Variants in SHANK2 observed in about 807,000 individuals in gnomAD.
The protein encoded by SHANK2 is SH3 and multiple ankyrin repeat domains protein 2.
In SHANK2, 43 loss-of-function variants were observed where a neutral mutation model predicts 133.7. That is an observed-to-expected ratio of 0.32 (90% CI 0.25 to 0.41). The LOEUF is 0.41. Among genes scored for constraint, SHANK2 ranks in the 10% least tolerant of loss-of-function variants. The probability of loss-of-function intolerance (pLI) is 1.00; values close to 1 mark genes in which losing one functional copy is unlikely to be tolerated. For synonymous variants in SHANK2, 1,017 were observed against 952.8 expected, an observed-to-expected ratio of 1.07 and a Z score of -1.24; for missense variants, 1,994 against 2,235.8, an observed-to-expected ratio of 0.89 and a Z score of 2.18.
At chr11:70,949,304 A>G (rs1950799307) in intron 10 of SHANK2, among the ~76,000 whole-genome samples, 1 of 152,120 alleles carries the variant, frequency 6.6e-6, no homozygotes, top group African/African-American at 2.4e-5. Context: ...TGGGCGAAGA[A>G]CCCTGTGCAC....
intron 11 of SHANK2, among the ~76,000 whole-genome samples, chr11:70,821,657 T>C (rs1948525441): frequency 6.6e-6 from 1 of 152,130 alleles, no homozygotes; most frequent in Admixed American, 6.5e-5. Context: ...ACTCCCGATC[T>C]TGTGATCCGC....
chr11:70,538,248 C>T (rs1208127117), intron 17 of SHANK2, among the ~76,000 whole-genome samples: 5 of 152,210 alleles, frequency 3.3e-5, no homozygotes, highest in South Asian at 2.1e-4. Context: ...ACGGAGTCCC[C>T]GGGCGCTGAC....
chr11:71,212,941 GA>G (rs1555119075), intron 2 of SHANK2, among the ~76,000 whole-genome samples: 6 of 151,282 alleles, frequency 4.0e-5, no homozygotes, highest in African/African-American at 1.5e-4. Context: ...ACAGGGAGAG[GA>G]GCAGGGACCC....
At chr11:70,545,522 C>T (rs1219394294) in intron 17 of SHANK2, among the ~76,000 whole-genome samples, 2 of 152,138 alleles carry the variant, frequency 1.3e-5, no homozygotes, top group African/African-American at 4.8e-5. Context: ...TTGGTTTTCT[C>T]CCCTGAGAGC....
chr11:70,914,132 A>G (rs1452667519), intron 10 of SHANK2, among the ~76,000 whole-genome samples: 1 of 152,142 alleles, frequency 6.6e-6, no homozygotes, highest in Non-Finnish European at 1.5e-5. Flanking sequence ...CCACACTGCC[A>G]CTGCAGCATC....
chr11:70,858,756 A>AAC (rs1555067241), intron 11 of SHANK2, among the ~76,000 whole-genome samples: 4 of 152,226 alleles, frequency 2.6e-5, no homozygotes, highest in African/African-American at 9.6e-5. Context: ...CTCCAGCCTA[A>AAC]CTTTACTACC....
At chr11:71,177,978 T>C (rs781839575) in intron 2 of SHANK2, among the ~76,000 whole-genome samples, 7 of 152,204 alleles carry the variant, frequency 4.6e-5, no homozygotes, top group Non-Finnish European at 1.0e-4. Context: ...GCACTGCTAG[T>C]AGAAATGTAA....
At chr11:70,615,735 A>G (rs1320189533) in intron 17 of SHANK2, among the ~76,000 whole-genome samples, 2 of 152,212 alleles carry the variant, frequency 1.3e-5, no homozygotes, top group African/African-American at 2.4e-5. Context: ...AACCTGCTCC[A>G]CACCTTGGGG....
Position 70,648,000 on chromosome 11 carries a change from A to C in SHANK2, c.2061+11828T>G, listed in dbSNP as rs151073262. ...TTATTCACAACCATAAGTTAGAAAC[A>C]GCCCAAGTGTCCCTGAACTAGTGAA... On this transcript the variant is annotated intron_variant, in intron 17 of 25. Coordinates refer to ENST00000601538, the MANE Select transcript of SHANK2 (RefSeq NM_012309.5). 7.1e-3 allele frequency among the ~76,000 whole-genome samples: 1,086 copies of C among 152,388 alleles called. 9 individuals carry two copies. The highest frequency in any genetic ancestry group is 0.011 in the Admixed American group (163 of 15,312).
intron 10 of SHANK2, among the ~76,000 whole-genome samples, chr11:70,936,860 T>G (rs1950578390): frequency 6.6e-6 from 1 of 152,204 alleles, no homozygotes; most frequent in African/African-American, 2.4e-5. Context: ...TAACGCACAC[T>G]GGTACCCACT....
At chr11:70,567,350 C>G (rs759849491) in intron 17 of SHANK2, among the ~76,000 whole-genome samples, 1 of 152,082 alleles carries the variant, frequency 6.6e-6, no homozygotes, top group Non-Finnish European at 1.5e-5. Context: ...GAGATGAGGC[C>G]GGGCGTGGTG....
At chr11:71,248,444 G>A (rs1555125337) in intron 1 of SHANK2, among the ~76,000 whole-genome samples, 1 of 152,212 alleles carries the variant, frequency 6.6e-6, no homozygotes, top group Admixed American at 6.5e-5. Flanking sequence ...GCGGTGTGGG[G>A]TCAAGGGCTC....
At chr11:71,100,618 C>A (rs996149615) in intron 6 of SHANK2, among the ~76,000 whole-genome samples, 4 of 152,186 alleles carry the variant, frequency 2.6e-5, no homozygotes, top group Non-Finnish European at 5.9e-5. Flanking sequence ...CCTGTAATCC[C>A]AGCACATTGG....
Position 70,473,660 on chromosome 11 carries a change from C to T in SHANK2, c.4980-221G>A. Reference sequence around the variant, plus strand: ...GACACCAGAGCACACCACGTCAGCCCACTCACCTGAACTGGGACAGAGGGG... The same window carrying T: ...GACACCAGAGCACACCACGTCAGCCTACTCACCTGAACTGGGACAGAGGGG... On this transcript the variant is annotated intron_variant, in intron 25 of 25. Transcript: ENST00000601538. The surrounding 1 kb of genome is among the most constrained non-coding windows in gnomAD (Gnocchi z 5.9). 2 of 638,898 alleles carry T rather than the reference C, an allele frequency of 3.1e-6. No homozygotes were observed. Among genetic ancestry groups the T allele is most frequent in the African/African-American group, 1.8e-5 (1 of 56,218 alleles). 39.6% of individuals were successfully genotyped at this position (638,898 alleles called of 1,614,324 possible).
Position 70,925,333 on chromosome 11 carries a change from T to G in SHANK2, c.1108-28766A>C, listed in dbSNP as rs182203115. 3.4e-3 allele frequency among the ~76,000 whole-genome samples: 525 copies of G among 152,228 alleles called. 2 individuals are homozygous for G. The highest frequency in any genetic ancestry group is 4.3e-3 in the Non-Finnish European group (295 of 67,998). ...TTTTATTAAAGATGACCCGCCAAAG[T>G]GAAGAAAGCCCTGTTAATTCTTGCA... On this transcript the variant is annotated intron_variant, in intron 10 of 25. Coordinates refer to ENST00000601538, the MANE Select transcript of SHANK2 (RefSeq NM_012309.5).
chr11:70,567,528 G>A (rs1554982137), intron 17 of SHANK2, among the ~76,000 whole-genome samples: 1 of 152,064 alleles, frequency 6.6e-6, no homozygotes, highest in East Asian at 1.9e-4. Context: ...TCGGGAGGCT[G>A]AGGCAGGAGA....
chr11:70,774,460 C>T (rs1484576117), intron 14 of SHANK2, among the ~76,000 whole-genome samples: 1 of 152,086 alleles, frequency 6.6e-6, no homozygotes, highest in African/African-American at 2.4e-5. Flanking sequence ...GCTGGGACTA[C>T]AGGTGCATAC....
intron 10 of SHANK2, among the ~76,000 whole-genome samples, chr11:70,901,574 G>A (rs1950023871): frequency 6.6e-6 from 1 of 152,124 alleles, no homozygotes; most frequent in African/African-American, 2.4e-5. Context: ...CTCCTTCCTT[G>A]TTTCAAATAA....
intron 10 of SHANK2, among the ~76,000 whole-genome samples, chr11:70,924,863 G>A (rs988195912): frequency 2.0e-5 from 3 of 152,186 alleles, no homozygotes; most frequent in African/African-American, 7.2e-5. Flanking sequence ...TAAAGGAAAA[G>A]CTACGCAGAC....
Sources: gnomAD v4.1 joint callset for allele counts (sites outside exome capture counted in the v4.1 genomes callset) on GRCh38, gnomAD v4.1.1 for gene constraint, Gnocchi (gnomAD v3.1) non-coding constraint, MANE v1.5 for transcripts, NCBI Gene and HGNC (gene_info 2026-07-23, HGNC 2026-07-21) for gene names.